RUFY1: variants seen among roughly 807,000 people sequenced by gnomAD.
RUFY1 encodes RUN and FYVE domain-containing protein 1.
In RUFY1, 54 loss-of-function variants were observed where a neutral mutation model predicts 94.6. The observed-to-expected ratio is 0.57, with a 90% CI of 0.46 to 0.72. The LOEUF is 0.72. Ranked by LOEUF, RUFY1 falls within the 30% of genes least tolerant of loss-of-function variation. The pLI, the probability that RUFY1 is intolerant of heterozygous loss-of-function variation, is 0.00. For synonymous variants in RUFY1, 396 were observed against 347.3 expected, an observed-to-expected ratio of 1.14 and a Z score of -1.56; for missense variants, 883 against 883.9, an observed-to-expected ratio of 1.00 and a Z score of 0.01.
At chr5:179,606,233 T>C in intron 16 of RUFY1, 1 of 424,162 alleles carries the variant, frequency 2.4e-6, no homozygotes, top group Non-Finnish European at 4.3e-6. Context: ...CCCGCGGATA[T>C]CTTTAAACAG....
At chr5:179,584,523 A>C (rs1764440490) in intron 7 of RUFY1, among the ~76,000 whole-genome samples, 1 of 152,212 alleles carries the variant, frequency 6.6e-6, no homozygotes, top group South Asian at 2.1e-4. Context: ...TCATGCCAGT[A>C]ATCTCAGCAG....
chr5:179,552,313 G>A (rs1761906423), intron 1 of RUFY1, among the ~76,000 whole-genome samples: 3 of 152,142 alleles, frequency 2.0e-5, no homozygotes, highest in African/African-American at 7.2e-5. Context: ...GGACAGAGCT[G>A]AGGAAAGGTT....
At chr5:179,580,206 CGTGTGTGTGTGTGTGT>C (rs71591429) in intron 6 of RUFY1, among the ~76,000 whole-genome samples, 7 of 127,568 alleles carry the variant, frequency 5.5e-5, no homozygotes, top group African/African-American at 1.2e-4. Context: ...CAAAAAATTC[CGTGTGTGTGTGTGTGT>C]GTGTGTGTGT....
Position 179,560,052 on chromosome 5 carries a change from G to T in RUFY1, c.338G>T (p.Arg113Leu). Residue 113 changes from arginine (R) to leucine (L), a missense_variant, in exon 2 of 18, where the codon CGT (arginine) becomes CTT (leucine). Coordinates refer to ENST00000319449, the MANE Select transcript of RUFY1 (RefSeq NM_025158.5). ...TCTAAGTGCCAGATGATGGAGGAGC[G>T]TGCCAACCTGATGCACATGATGAAA... is the stretch of plus-strand genomic sequence containing the variant. The part of the protein sequence containing the change: ...AASKCQMMEE[R>L]ANLMHMMKLS... 6.2e-7 allele frequency: 1 copy of T among 1,613,900 alleles called. No individual in the cohort carries two copies. The highest frequency in any genetic ancestry group is 8.5e-7 in the Non-Finnish European group (1 of 1,179,964).
At chr5:179,554,895 G>A (rs1420181576) in intron 1 of RUFY1, among the ~76,000 whole-genome samples, 1 of 152,052 alleles carries the variant, frequency 6.6e-6, no homozygotes, top group East Asian at 1.9e-4. Context: ...TTGAAACCAG[G>A]AGGCAGAAGT....
chr5:179,605,794 T>C, intron 15 of RUFY1, 82 bp from the exon 16 acceptor site: 7 of 915,396 alleles, frequency 7.6e-6, no homozygotes, highest in Non-Finnish European at 1.3e-5. Context: ...CTCACAAAGC[T>C]AGTCCTGAGA....
intron 5 of RUFY1, among the ~76,000 whole-genome samples, chr5:179,574,007 T>C (rs1763424985): frequency 6.6e-6 from 1 of 152,164 alleles, no homozygotes; most frequent in African/African-American, 2.4e-5. Flanking sequence ...GGATTTGATA[T>C]GTTTACTGTT....
At chr5:179,608,625 T>C (rs1486291026) in intron 17 of RUFY1, 15 of 985,212 alleles carry the variant, frequency 1.5e-5, no homozygotes, top group African/African-American at 1.7e-5. Context: ...AAGTAAACTT[T>C]TTGTCTTAAA....
rs761334539 is a variant in RUFY1, at chr5:179,607,610, C to G, written c.1934C>G (p.Ala645Gly). The G allele has an allele frequency of 2.5e-6, 4 of 1,614,082 alleles. No individual in the cohort carries two copies. Among genetic ancestry groups the G allele is most frequent in the Non-Finnish European group, 3.4e-6 (4 of 1,180,022 alleles). Residue 645 changes from alanine to glycine, a missense_variant, in exon 17 of 18, where the codon GCG becomes GGG. By Grantham distance (60) the Ala-to-Gly change is moderately conservative (BLOSUM62 0). Transcript: ENST00000319449. Reference sequence around the variant, plus strand: ...CACGCCTGGCTGAAAGATGACGAAGCGACACACTGTAGGCAGTGTGAGAAG... The same window carrying G: ...CACGCCTGGCTGAAAGATGACGAAGGGACACACTGTAGGCAGTGTGAGAAG... ...KGHAWLKDDE[A>G]THCRQCEKEF...
Position 179,562,553 on chromosome 5 carries a change from A to G in RUFY1, c.491A>G (p.Lys164Arg). Residue 164 changes from lysine (K) to arginine (R), a missense_variant, in exon 3 of 18, where the codon AAG becomes AGG. Transcript: ENST00000319449. ...HCLKHGLKVK[K>R]SFIGQNKSFF... ...CTTTTGTTTTTCCTTTTAGTTAAGA[A>G]GAGTTTTATTGGCCAAAATAAATCA... The G allele has an allele frequency of 6.3e-7, 1 of 1,594,288 alleles. No individual in the cohort carries two copies. Among genetic ancestry groups the G allele is most frequent in the South Asian group, 1.1e-5 (1 of 89,964 alleles).
intron 3 of RUFY1, among the ~76,000 whole-genome samples, chr5:179,565,005 AGAG>A (rs201264540): frequency 1.1e-5 from 1 of 91,276 alleles, no homozygotes; most frequent in African/African-American, 3.4e-5. Context: ...GTAAAAAGAG[AGAG>A]AAAAATAATT....
chr5:179,605,059 A>G (rs1766915803), intron 15 of RUFY1, among the ~76,000 whole-genome samples: 1 of 152,050 alleles, frequency 6.6e-6, no homozygotes, highest in East Asian at 1.9e-4. Flanking sequence ...CAGGTGGGTC[A>G]ATTGAGGTCA....
intron 3 of RUFY1, among the ~76,000 whole-genome samples, chr5:179,566,784 A>C (rs1222183163): frequency 1.3e-5 from 2 of 152,038 alleles, no homozygotes; most frequent in East Asian, 3.9e-4. Context: ...GGCCAGGTGC[A>C]GTGGCTCATG....
intron 15 of RUFY1, among the ~76,000 whole-genome samples, chr5:179,604,037 A>G (rs1428895713): frequency 6.6e-6 from 1 of 152,232 alleles, no homozygotes; most frequent in Non-Finnish European, 1.5e-5. Flanking sequence ...AGCCTGGGCA[A>G]TAAGAGTGAA....
rs1762330274 is a variant in RUFY1 at position 179,560,138 on chromosome 5, C to A, written c.424C>A (p.His142Asn). 2.5e-6 allele frequency: 4 copies of A among 1,614,062 alleles called. No individual in the cohort carries two copies. Among genetic ancestry groups the A allele is most frequent in the Non-Finnish European group, 3.4e-6 (4 of 1,179,972 alleles). ...CCTGGGCCGCAGCCTGGATGCGGACCATGCCCCCTTGCAGCAGTTCTTTGT... is the reference window on the plus strand; with the variant it reads ...CCTGGGCCGCAGCCTGGATGCGGACAATGCCCCCTTGCAGCAGTTCTTTGT... Reference protein sequence around the residue: ...LSLGRSLDADHAPLQQFFVVM... With the variant: ...LSLGRSLDADNAPLQQFFVVM... Residue 142 changes from histidine to asparagine, a missense_variant, in exon 2 of 18, where the codon CAT (histidine) becomes AAT (asparagine). Coordinates refer to ENST00000319449, the MANE Select transcript of RUFY1 (RefSeq NM_025158.5).
chr5:179,594,121 G>T (rs1765339931), intron 11 of RUFY1, among the ~76,000 whole-genome samples: 1 of 151,924 alleles, frequency 6.6e-6, no homozygotes, highest in Non-Finnish European at 1.5e-5. Flanking sequence ...GGCCAGCATG[G>T]TGAAACACCG....
intron 2 of RUFY1, among the ~76,000 whole-genome samples, chr5:179,561,713 C>T (rs1325786132): frequency 1.2e-5 from 1 of 80,410 alleles, no homozygotes; most frequent in Admixed American, 1.9e-4. Context: ...TGAAGAGTCT[C>T]GCTCTGTCCC....
chr5:179,601,777 C>A (rs1766432531), intron 14 of RUFY1, 115 bp from the exon 15 acceptor site: 5 of 752,136 alleles, frequency 6.6e-6, no homozygotes, highest in Admixed American at 4.7e-5. Flanking sequence ...CAAGATCGTG[C>A]CACTGCACTC....
At chr5:179,577,859 CAAAAAAAAAA>C (rs35539667) in intron 6 of RUFY1, among the ~76,000 whole-genome samples, 27 of 134,268 alleles carry the variant, frequency 2.0e-4, no homozygotes, top group Admixed American at 4.4e-4. Flanking sequence ...TTCTCTGCAG[CAAAAAAAAAA>C]AAAAAAAAAA....
Sources: gnomAD v4.1 joint callset for allele counts (sites outside exome capture counted in the v4.1 genomes callset) on GRCh38, gnomAD v4.1.1 for gene constraint, MANE v1.5 for transcripts, NCBI Gene and HGNC (gene_info 2026-07-23, HGNC 2026-07-21) for gene names.